USP9X: variants seen among roughly 807,000 people sequenced by gnomAD.
The protein encoded by USP9X is ubiquitin specific peptidase 9 X-linked.
In USP9X, 7 loss-of-function variants were observed where a neutral mutation model predicts 190.3. The ratio of observed to expected loss-of-function variants is 0.04; its 90% CI spans 0.02 to 0.07. The LOEUF is 0.07. USP9X is among the 10% of genes least tolerant of loss of function. USP9X has a pLI of 1.00. For missense variants in USP9X, 1,010 were observed against 1,916.9 expected, an observed-to-expected ratio of 0.53 and a Z score of 8.83; for synonymous variants, 645 against 659.5, an observed-to-expected ratio of 0.98 and a Z score of 0.34.
chrX:41,106,594 G>A (rs1008627002), intron 1 of USP9X, among the ~76,000 whole-genome samples: 1 of 92,985 alleles, frequency 1.1e-5, no homozygotes, highest in Admixed American at 1.3e-4. Context: ...GCAATGGCGC[G>A]ATCTTGGCTC....
At chrX:41,226,545 A>T (rs1374214092) in intron 41 of USP9X, among the ~76,000 whole-genome samples, 1 of 112,453 alleles carries the variant, frequency 8.9e-6, no homozygotes, top group Admixed American at 9.5e-5. Flanking sequence ...AAAGAGAAGT[A>T]ACAATCTGGA....
rs775254463 is a variant in USP9X, at chrX:41,158,014, G to T, written c.1898-4776G>T. Among the ~76,000 whole-genome samples the T allele has an allele frequency of 2.7e-5, 3 of 110,881 alleles. 1 individual carries two copies. The South Asian group carries it at 1.1e-3, about 42-fold the overall frequency. ...ACCAAAATGAAATATTCATAAGAGGGGCTAAACAATAGATTTGAGCTGGCA... is the reference window on the plus strand; with the variant it reads ...ACCAAAATGAAATATTCATAAGAGGTGCTAAACAATAGATTTGAGCTGGCA... On this transcript the variant is annotated intron_variant, in intron 14 of 44. Transcript: ENST00000378308.
At chrX:41,213,414 A>G (rs765812095) in intron 33 of USP9X, among the ~76,000 whole-genome samples, 2 of 112,336 alleles carry the variant, frequency 1.8e-5, no homozygotes, top group Non-Finnish European at 3.8e-5. Flanking sequence ...GATTTTGCCC[A>G]ACTGTAGGCT....
intron 1 of USP9X, among the ~76,000 whole-genome samples, chrX:41,110,302 T>C (rs1452745675): frequency 8.9e-6 from 1 of 112,585 alleles, no homozygotes; most frequent in Non-Finnish European, 1.9e-5. Flanking sequence ...AGTTCCTTGA[T>C]ATGTACTATA....
At chrX:41,203,673 C>T (rs1012910639) in intron 31 of USP9X, among the ~76,000 whole-genome samples, 1 of 111,032 alleles carries the variant, frequency 9.0e-6, no homozygotes, top group African/African-American at 3.3e-5. Flanking sequence ...AGTACTAGAT[C>T]ATTTGGTGAT....
chrX:41,230,204 A>AG (rs1412488050), intron 43 of USP9X, among the ~76,000 whole-genome samples: 1 of 111,848 alleles, frequency 8.9e-6, no homozygotes, highest in Non-Finnish European at 1.9e-5. Context: ...TCCATCTCAA[A>AG]AAAAGAAAAG....
intron 26 of USP9X, among the ~76,000 whole-genome samples, chrX:41,193,549 A>G (rs1422521389): frequency 9.0e-6 from 1 of 111,065 alleles, no homozygotes; most frequent in East Asian, 2.8e-4. Flanking sequence ...TGTAGTCCCA[A>G]CTACTCAGGA....
chrX:41,088,113 A>G (rs113872322), intron 1 of USP9X, among the ~76,000 whole-genome samples: 121 of 111,854 alleles, frequency 1.1e-3, no homozygotes, highest in African/African-American at 3.8e-3. Flanking sequence ...CCTCCCTGGT[A>G]GCTGGGACTA....
intron 16 of USP9X, among the ~76,000 whole-genome samples, chrX:41,166,488 C>T (rs571758297): frequency 1.8e-5 from 2 of 111,425 alleles, no homozygotes; most frequent in South Asian, 7.5e-4. Flanking sequence ...TCTTTCATTC[C>T]TCCCCCGTGG....
chrX:41,201,240 T>C lies in USP9X; in HGVS notation c.4784T>C (p.Val1595Ala), dbSNP rs2063038918. The change falls in exon 31 of 45, where the codon GTA (valine) becomes GCA (alanine). Residue 1595 changes from valine (V) to alanine (A), a missense_variant. By Grantham distance (64) the Val-to-Ala change is moderately conservative. This residue lies in a region of USP9X where 120 missense variants were observed against 342.7 expected (regional missense o/e 0.35). Transcript: ENST00000378308. ...GCCATTGAAGGCACAGGTAGTGATG[T>C]AGATGATGATATGTCTGGGGATGAG... ...ILAIEGTGSD[V>A]DDDMSGDEKQ... 3.3e-6 allele frequency: 4 copies of C among 1,211,456 alleles called. No individual in the cohort carries two copies. The highest frequency in any genetic ancestry group is 1.8e-5 in the South Asian group (1 of 57,016).
chrX:41,128,275 T>C (rs944175333), intron 2 of USP9X, among the ~76,000 whole-genome samples: 3 of 112,153 alleles, frequency 2.7e-5, no homozygotes, highest in African/African-American at 9.7e-5. Flanking sequence ...ATTTCTGTCA[T>C]GGCTTATATA....
At chrX:41,227,706 C>A (rs377499065) in intron 41 of USP9X, among the ~76,000 whole-genome samples, 8 of 104,766 alleles carry the variant, frequency 7.6e-5, no homozygotes, top group South Asian at 8.1e-4. Context: ...GATTCCAGAA[C>A]TTTTTTTTTT....
rs189868689 is a variant in USP9X at position 41,146,392 on chromosome X, C to T, written c.1419+1766C>T. 3.6e-5 allele frequency among the ~76,000 whole-genome samples: 4 copies of T among 112,136 alleles called. No individual in the cohort carries two copies. The East Asian group carries it at 1.1e-3, about 31-fold the overall frequency. On this transcript the variant is annotated intron_variant, in intron 11 of 44. Transcript: ENST00000378308. ...AAGGAAGCAATGAAGTCTGAGTCAC[C>T]TTGTGGTTCTTTGCAGATTGCAACC...
At chrX:41,189,251 T>A in intron 25 of USP9X, 58 bp from the exon 26 acceptor site, 1 of 1,133,057 alleles carries the variant, frequency 8.8e-7, no homozygotes, top group Non-Finnish European at 1.2e-6. Flanking sequence ...CTAGAAGTTG[T>A]GTGAGATTTT....
chrX:41,168,369 A>G (rs1937305845), intron 18 of USP9X, 151 bp downstream of exon 18: 1 of 472,502 alleles, frequency 2.1e-6, no homozygotes, highest in Non-Finnish European at 3.3e-6. Context: ...TTTTTTTAAT[A>G]ACCTCCCCCA....
chrX:41,206,159 G>A (rs1044849771), intron 32 of USP9X, among the ~76,000 whole-genome samples: 37 of 111,320 alleles, frequency 3.3e-4, no homozygotes, highest in African/African-American at 1.1e-3. Context: ...CCAAAGTGCT[G>A]GGATTACAGG....
chrX:41,207,332 G>A (rs1240974209), intron 32 of USP9X, among the ~76,000 whole-genome samples: 5 of 109,165 alleles, frequency 4.6e-5, no homozygotes, highest in Admixed American at 2.9e-4. Flanking sequence ...TGATCCACCC[G>A]CCTCGGCCTC....
intron 1 of USP9X, among the ~76,000 whole-genome samples, chrX:41,088,541 C>G (rs1194672478): frequency 8.9e-6 from 1 of 112,138 alleles, no homozygotes; most frequent in African/African-American, 3.2e-5. Flanking sequence ...TAAAACCAAT[C>G]TTTGTTTAAA....
In USP9X at chrX:41,224,975, T is replaced by C. The variant is rs1483923315; in HGVS notation, c.6972+13T>C. On this transcript the variant is annotated intron_variant, in intron 40 of 44. Transcript: ENST00000378308. Reference sequence around the variant, plus strand: ...ACTTCTCTGGCAGGTAAAAGGAAAATAACATTTGTATGTTTATAATTTGAT... The same window carrying C: ...ACTTCTCTGGCAGGTAAAAGGAAAACAACATTTGTATGTTTATAATTTGAT... 5 of 1,209,617 alleles carry C rather than the reference T, an allele frequency of 4.1e-6. No homozygotes were observed. The highest frequency in any genetic ancestry group is 5.6e-6 in the Non-Finnish European group (5 of 893,460).
Sources: gnomAD v4.1 joint callset for allele counts (sites outside exome capture counted in the v4.1 genomes callset) on GRCh38, gnomAD v4.1.1 for gene constraint, gnomAD v4.1.1 regional missense constraint, MANE v1.5 for transcripts, NCBI Gene and HGNC (gene_info 2026-07-23, HGNC 2026-07-21) for gene names.